ALG8: variants seen among roughly 807,000 people sequenced by gnomAD.
ALG8 encodes dolichyl pyrophosphate Glc1Man9GlcNAc2 alpha-1,3-glucosyltransferase.
A neutral mutation model predicts 70.2 loss-of-function variants in ALG8; 48 were observed. The ratio of observed to expected loss-of-function variants is 0.68; its 90% CI spans 0.54 to 0.87. The LOEUF is 0.87. Among genes scored for constraint, ALG8 ranks in the 40% least tolerant of loss-of-function variants. The pLI is 0.00. For missense variants in ALG8, 572 were observed against 608.7 expected, an observed-to-expected ratio of 0.94 and a Z score of 0.64; for synonymous variants, 234 against 229.0, an observed-to-expected ratio of 1.02 and a Z score of -0.20.
In ALG8 at chr11:78,104,213, G is replaced by A. The variant is rs183097594; in HGVS notation, c.1276+143C>T. 1.8e-3 allele frequency: 1,781 copies of A among 968,260 alleles called. 5 individuals carry two copies. Among genetic ancestry groups the A allele is most frequent in the Non-Finnish European group, 2.4e-3 (1,593 of 665,032 alleles). The allele number at this position is 968,260 out of a possible 1,614,324, so 60.0% of individuals were successfully genotyped here. A position where few individuals can be genotyped will look rare whatever the true frequency, so the allele number is the denominator to read the frequency against. Reference sequence around the variant, plus strand: ...ACATCTAGAGATGCTGAGAATTACAGGAAATTGGAGGTTTTATTTAAGAGG... The same window carrying A: ...ACATCTAGAGATGCTGAGAATTACAAGAAATTGGAGGTTTTATTTAAGAGG... On this transcript the variant is annotated intron_variant, in intron 11 of 12. Coordinates refer to ENST00000299626, the MANE Select transcript of ALG8 (RefSeq NM_024079.5).
chr11:78,114,458 T>C (rs1860464534), intron 5 of ALG8, 66 bp from the exon 6 acceptor site: 2 of 1,579,978 alleles, frequency 1.3e-6, no homozygotes, highest in African/African-American at 2.7e-5. Context: ...TAATGTGGTA[T>C]TCTAGATTGA....
chr11:78,126,321 C>T (rs1156934640), intron 2 of ALG8, among the ~76,000 whole-genome samples: 6 of 150,410 alleles, frequency 4.0e-5, no homozygotes, highest in South Asian at 2.1e-4. Flanking sequence ...ACCTGAGGTC[C>T]GGAGTTCGAG....
intron 1 of ALG8, among the ~76,000 whole-genome samples, chr11:78,133,900 C>CAA (rs59434881): frequency 1.4e-4 from 18 of 127,754 alleles, no homozygotes; most frequent in East Asian, 4.5e-4. Context: ...GACTCCGTCT[C>CAA]AAAAAAAAAA....
chr11:78,124,628 C>A (rs1860983533), intron 2 of ALG8, among the ~76,000 whole-genome samples: 1 of 152,086 alleles, frequency 6.6e-6, no homozygotes, highest in Admixed American at 6.6e-5. Context: ...TAATTTGAAA[C>A]CTGGAGATGA....
chr11:78,114,024 A>T, intron 6 of ALG8, 35 bp from the exon 7 acceptor site: 2 of 1,542,244 alleles, frequency 1.3e-6, no homozygotes, highest in Non-Finnish European at 1.8e-6. Context: ...AACCAGGAAG[A>T]TGGAAAGGAA....
chr11:78,124,079 G>GT lies in ALG8; in HGVS notation c.309dup (p.Leu104ThrfsTer20). The GT allele has an allele frequency of 3.7e-6, 6 of 1,614,158 alleles. No individual in the cohort carries two copies. The highest frequency in any genetic ancestry group is 4.2e-6 in the Non-Finnish European group (5 of 1,180,032). ...AAGATGACGGAAAATCTCTGGAAAAGTAAGGTCCTTGAGCTGGAGTAATTC... is the reference window on the plus strand; with the variant it reads ...AAGATGACGGAAAATCTCTGGAAAAGTTAAGGTCCTTGAGCTGGAGTAATTC... On this transcript the variant is annotated frameshift_variant, in exon 3 of 13. Coordinates refer to ENST00000299626, the MANE Select transcript of ALG8 (RefSeq NM_024079.5). LOFTEE classifies it high-confidence loss of function.
chr11:78,129,301 T>C (rs946090399), intron 1 of ALG8, among the ~76,000 whole-genome samples: 6 of 151,388 alleles, frequency 4.0e-5, no homozygotes, highest in Non-Finnish European at 7.4e-5. Flanking sequence ...GCGCCTGTAG[T>C]CCCAGCTACT....
In ALG8 at chr11:78,114,620, T is replaced by C. The variant is rs186866021; in HGVS notation, c.547-228A>G. ...GATATATAGGAACTCTCTGTACTAT[T>C]TCTACAACTTTTCTGGAAAGCTAAA... On this transcript the variant is annotated intron_variant, in intron 5 of 12. Coordinates refer to ENST00000299626, the MANE Select transcript of ALG8 (RefSeq NM_024079.5). The C allele has an allele frequency of 3.0e-5, 17 of 564,326 alleles. No homozygotes were observed. In the East Asian group the frequency reaches 5.2e-4, roughly 17 times the overall value. The allele number at this position is 564,326 out of a possible 1,614,324, so 35.0% of individuals were successfully genotyped here.
At chr11:78,132,833 A>ATTTTTTTTTTT (rs55934753) in intron 1 of ALG8, among the ~76,000 whole-genome samples, 2 of 113,942 alleles carry the variant, frequency 1.8e-5, no homozygotes, top group Non-Finnish European at 3.5e-5. Flanking sequence ...TTCTTCTTCC[A>ATTTTTTTTTTT]TTTTTTTTTT....
intron 1 of ALG8, 163 bp downstream of exon 1, chr11:78,139,331 G>A: frequency 1.4e-6 from 1 of 730,142 alleles, no homozygotes. Context: ...CTGGGGCTAA[G>A]TCAAGTAACA....
intron 9 of ALG8, among the ~76,000 whole-genome samples, chr11:78,108,976 T>C (rs1239818787): frequency 2.0e-5 from 3 of 152,230 alleles, no homozygotes; most frequent in African/African-American, 7.2e-5. Flanking sequence ...TTACTCATAT[T>C]AGGCTCATCT....
In ALG8 at chr11:78,112,750, A is replaced by T. The variant is rs1860357164; in HGVS notation, c.798T>A (p.Phe266Leu). The T allele has an allele frequency of 6.2e-7, 1 of 1,613,920 alleles. No homozygotes were observed. Among genetic ancestry groups the T allele is most frequent in the Non-Finnish European group, 8.5e-7 (1 of 1,179,820 alleles). Residue 266 changes from phenylalanine (F) to leucine (L), a missense_variant, in exon 8 of 13, where the codon TTT becomes TTA. Physicochemically the swap from Phe to Leu is conservative, Grantham distance 22 (BLOSUM62 0). Transcript: ENST00000299626. ...FLALNQLPQV[F>L]SRLFPFKRGL... The stretch of plus-strand genomic sequence containing the variant: ...CCCTCTTGAAAGGAAAGAGTCGGGA[A>T]AAGACTTGAGGCAGCTGATTCTGTT...
In ALG8 at chr11:78,124,906, A is replaced by G. The variant is rs540810560; in HGVS notation, c.175-692T>C. On this transcript the variant is annotated intron_variant, in intron 2 of 12. Coordinates refer to ENST00000299626, the MANE Select transcript of ALG8 (RefSeq NM_024079.5). ...CCTCAGCATTTAGTAAGTGCCTGAC[A>G]TATTGCTTGGGATAAAATAACCACT... Among the ~76,000 whole-genome samples the G allele has an allele frequency of 2.6e-5, 4 of 152,322 alleles. No individual in the cohort carries two copies. In the South Asian group the frequency reaches 8.3e-4, roughly 32 times the overall value.
intron 1 of ALG8, among the ~76,000 whole-genome samples, chr11:78,127,797 C>T (rs1861144958): frequency 6.6e-6 from 1 of 151,292 alleles, no homozygotes; most frequent in Admixed American, 6.6e-5. Flanking sequence ...GCAACTGCCG[C>T]CCCCCGGGTT....
In ALG8 at chr11:78,112,745, C is replaced by T. The variant is rs61995925; in HGVS notation, c.803G>A (p.Arg268Gln). Residue 268 changes from arginine (R) to glutamine (Q), a missense_variant, in exon 8 of 13, where the codon CGA becomes CAA. Transcript: ENST00000299626. ...ALNQLPQVFS[R>Q]LFPFKRGLCH... ...GAGGCCCCTCTTGAAAGGAAAGAGT[C>T]GGGAAAAGACTTGAGGCAGCTGATT... is the stretch of plus-strand genomic sequence containing the variant. The T allele has an allele frequency of 0.019, 30,561 of 1,613,666 alleles. 330 individuals are homozygous for T. Among genetic ancestry groups the T allele is most frequent in the Non-Finnish European group, 0.022 (26,432 of 1,179,792 alleles).
chr11:78,112,649 C>G lies in ALG8; in HGVS notation c.898+1G>C, dbSNP rs747896000. On this transcript the variant is annotated splice_donor_variant, in intron 8 of 12. Transcript: ENST00000299626. LOFTEE classifies it high-confidence loss of function. ...TGAGTAAAAAATGCTCGCTACCATA[C>G]CGATGACAGACAGCACTTTGTCCAA... 1 of 1,613,604 alleles carries G rather than the reference C, an allele frequency of 6.2e-7. No individual in the cohort carries two copies. The highest frequency in any genetic ancestry group is 8.5e-7 in the Non-Finnish European group (1 of 1,179,746).
chr11:78,109,630 G>A (rs764538338), intron 8 of ALG8, 49 bp from the exon 9 acceptor site: 1 of 1,508,490 alleles, frequency 6.6e-7, no homozygotes, highest in South Asian at 1.1e-5. Context: ...TTATTACTGA[G>A]ATACCATATA....
At chr11:78,127,621 G>A (rs1415823320) in intron 1 of ALG8, among the ~76,000 whole-genome samples, 185 bp from the exon 2 acceptor site, 2 of 151,898 alleles carry the variant, frequency 1.3e-5, no homozygotes, top group Non-Finnish European at 2.9e-5. Flanking sequence ...AGATCTTCTA[G>A]AAAGTTGTTG....
chr11:78,135,013 T>C (rs1366879343), intron 1 of ALG8, among the ~76,000 whole-genome samples: 1 of 152,250 alleles, frequency 6.6e-6, no homozygotes, highest in Admixed American at 6.5e-5. Context: ...TCACTATCTA[T>C]GGCAGATATA....
Sources: gnomAD v4.1 joint callset for allele counts (sites outside exome capture counted in the v4.1 genomes callset) on GRCh38, gnomAD v4.1.1 for gene constraint, MANE v1.5 for transcripts, NCBI Gene and HGNC (gene_info 2026-07-23, HGNC 2026-07-21) for gene names.